Variants in FCGR2B observed in about 807,000 individuals in gnomAD.
The protein encoded by FCGR2B is Fc gamma receptor IIb.
Under a neutral mutation model 24.8 loss-of-function variants are expected in FCGR2B, and 18 were observed. That is an observed-to-expected ratio of 0.73 (90% CI 0.50 to 1.08). The LOEUF is 1.08. FCGR2B is among the 50% of genes least tolerant of loss of function. The probability of loss-of-function intolerance (pLI) is 0.00; values close to 1 mark genes in which losing one functional copy is unlikely to be tolerated. For missense variants in FCGR2B, 215 were observed against 297.6 expected, an observed-to-expected ratio of 0.72 and a Z score of 2.04; for synonymous variants, 79 against 109.8, an observed-to-expected ratio of 0.72 and a Z score of 1.75.
rs1190341660 is a variant in FCGR2B at position 161,677,777 on chromosome 1, G to C, written c.*224G>C. On this transcript the variant is annotated 3_prime_UTR_variant, in exon 8 of 8. Coordinates refer to ENST00000358671, the MANE Select transcript of FCGR2B (RefSeq NM_001394477.1). Reference sequence around the variant, plus strand: ...CACCTTCTGTGCTTCAGCTCTTCTTGACATCAAGGCTCTTCCGTTCCACAT... The same window carrying C: ...CACCTTCTGTGCTTCAGCTCTTCTTCACATCAAGGCTCTTCCGTTCCACAT... 2 of 528,344 alleles carry C rather than the reference G, an allele frequency of 3.8e-6. No individual in the cohort carries two copies. Among genetic ancestry groups the C allele is most frequent in the African/African-American group, 1.9e-5 (1 of 51,662 alleles). 32.7% of individuals were successfully genotyped at this position (528,344 alleles called of 1,614,324 possible).
intron 7 of FCGR2B, 23 bp from the exon 8 acceptor site, chr1:161,677,453 C>T (rs1397510141): frequency 6.2e-7 from 1 of 1,612,036 alleles, no homozygotes; most frequent in Non-Finnish European, 8.5e-7. Flanking sequence ...TGGATCCTTA[C>T]TGCTGGTTTC....
At position 161,671,588 on chromosome 1, in the gene FCGR2B, G is replaced by T. The variant is rs755754656; in HGVS notation, c.330G>T (p.Glu110Asp). ...RFKANNNDSG[E>D]YTCQTGQTSL... is the part of the protein sequence containing the mutation. ...AGGCCAACAACAATGACAGCGGGGA[G>T]TACACGTGCCAGACTGGCCAGACCA... Residue 110 changes from glutamate to aspartate, a missense_variant, in exon 3 of 8, where the codon GAG becomes GAT. By Grantham distance (45) the Glu-to-Asp change is conservative. This residue lies in a region of FCGR2B where 39 missense variants were observed against 73.3 expected (regional missense o/e 0.53). Coordinates refer to ENST00000358671, the MANE Select transcript of FCGR2B (RefSeq NM_001394477.1). 3.1e-6 allele frequency: 5 copies of T among 1,614,186 alleles called. No homozygotes were observed. In the East Asian group the frequency reaches 1.1e-4, roughly 36 times the overall value.
At chr1:161,661,169 AGAAG>A (rs1362952591), upstream of FCGR2B, among the ~76,000 whole-genome samples, 3 of 111,384 alleles carry the variant, frequency 2.7e-5, no homozygotes, top group Admixed American at 8.3e-5. Flanking sequence ...AAAGAAAGAA[AGAAG>A]GAAGGAAGGA....
At chr1:161,661,071 C>A (rs1474849852), upstream of FCGR2B, among the ~76,000 whole-genome samples, 3 of 24,444 alleles carry the variant, frequency 1.2e-4, no homozygotes, top group East Asian at 2.4e-3. Context: ...GAGACTCTGG[C>A]AAGAAAGAAA....
the FCGR2B span, among the ~76,000 whole-genome samples, chr1:161,648,028 G>C: frequency 6.6e-6 from 1 of 150,640 alleles, no homozygotes; most frequent in Non-Finnish European, 1.5e-5. Context: ...AGTATGAGTT[G>C]GGAAGATAGC....
Position 161,677,211 on chromosome 1 carries a change from G to C in FCGR2B, c.818-117G>C, listed in dbSNP as rs148573502. ...GCTTGGCCTAGAGGCCCAAGACAGG[G>C]TCAGCAGTGCTTGCTTTGGCTCTAG... is the stretch of plus-strand genomic sequence containing the variant. On this transcript the variant is annotated intron_variant, in intron 6 of 7. Transcript: ENST00000358671. 1.6e-3 allele frequency: 1,558 copies of C among 959,408 alleles called. 23 individuals are homozygous for C. In the African/African-American group the frequency reaches 0.021, roughly 13 times the overall value. The allele number at this position is 959,408 out of a possible 1,614,324, so 59.4% of individuals were successfully genotyped here.
chr1:161,671,205 T>A (rs920839041), intron 2 of FCGR2B, among the ~76,000 whole-genome samples, 187 bp from the exon 3 acceptor site: 4 of 152,162 alleles, frequency 2.6e-5, no homozygotes, highest in African/African-American at 7.2e-5. Context: ...AGTCCTGGGC[T>A]CCCTGGGGCC....
intron 3 of FCGR2B, chr1:161,671,858 G>C: frequency 2.1e-6 from 2 of 956,730 alleles, no homozygotes; most frequent in Middle Eastern, 3.3e-4. Flanking sequence ...CCAAGTGTGA[G>C]AGAAGCAGAA....
chr1:161,677,585 A>C lies in FCGR2B; in HGVS notation c.*32A>C, dbSNP rs1217664781. 1 of 1,519,204 alleles carries C rather than the reference A, an allele frequency of 6.6e-7. No individual in the cohort carries two copies. The highest frequency in any genetic ancestry group is 9.1e-7 in the Non-Finnish European group (1 of 1,097,534). 94.1% of individuals were successfully genotyped at this position (1,519,204 alleles called of 1,614,324 possible). A position where few individuals can be genotyped will look rare whatever the true frequency, so the allele number is the denominator to read the frequency against. ...TTGTCTTGCATTGGGATTTGAGAAGAAAATCAGAGAGGGAAGATCTGGTAT... is the reference window on the plus strand; with the variant it reads ...TTGTCTTGCATTGGGATTTGAGAAGCAAATCAGAGAGGGAAGATCTGGTAT... On this transcript the variant is annotated 3_prime_UTR_variant, in exon 8 of 8. Coordinates refer to ENST00000358671, the MANE Select transcript of FCGR2B (RefSeq NM_001394477.1).
At chr1:161,669,670 T>G (rs1164306602) in intron 1 of FCGR2B, among the ~76,000 whole-genome samples, 1 of 138,634 alleles carries the variant, frequency 7.2e-6, no homozygotes, top group African/African-American at 2.5e-5. Context: ...CATTGCTCAG[T>G]GAAGAATCAG....
rs1282720332 is a variant in FCGR2B at position 161,673,058 on chromosome 1, C to T, written c.475C>T (p.Pro159Ser). The T allele has an allele frequency of 6.2e-7, 1 of 1,612,724 alleles. No individual in the cohort carries two copies. The highest frequency in any genetic ancestry group is 8.5e-7 in the Non-Finnish European group (1 of 1,179,458). The change falls in exon 4 of 8, where the codon CCT becomes TCT. Residue 159 changes from proline (P) to serine (S), a missense_variant. By Grantham distance (74) the Pro-to-Ser change is moderately conservative. Transcript: ENST00000358671. ...VLRCHSWKDK[P>S]LVKVTFFQNG... ...GAGGTGCCACAGCTGGAAGGACAAG[C>T]CTCTGGTCAAGGTCACATTCTTCCA...
chr1:161,671,834 C>T lies in FCGR2B; in HGVS notation c.391+185C>T, dbSNP rs190516033. On this transcript the variant is annotated intron_variant, in intron 3 of 7. Transcript: ENST00000358671. ...GATTGAACAGAAGAAGGTTTCAAGGCCAAAAACAGGCAGCCAAGTGTGAGA... is the reference window on the plus strand; with the variant it reads ...GATTGAACAGAAGAAGGTTTCAAGGTCAAAAACAGGCAGCCAAGTGTGAGA... 42 of 1,202,700 alleles carry T rather than the reference C, an allele frequency of 3.5e-5. No individual in the cohort carries two copies. In the African/African-American group the frequency reaches 6.0e-4, roughly 17 times the overall value. The allele number at this position is 1,202,700 out of a possible 1,614,324, so 74.5% of individuals were successfully genotyped here.
rs904741063 is a variant in FCGR2B, at chr1:161,678,395, A to G, written c.*842A>G. The G allele has an allele frequency of 9.2e-6, 2 of 217,554 alleles. No individual in the cohort carries two copies. Among genetic ancestry groups the G allele is most frequent in the Non-Finnish European group, 1.8e-5 (2 of 108,190 alleles). 13.5% of individuals were successfully genotyped at this position (217,554 alleles called of 1,614,324 possible). On this transcript the variant is annotated 3_prime_UTR_variant, in exon 8 of 8. Transcript: ENST00000358671. Reference sequence around the variant, plus strand: ...TACAATTGCCTAAAGTATTCAGTACAGTAGCATGCTGTACAGGTTTGTAGC... The same window carrying G: ...TACAATTGCCTAAAGTATTCAGTACGGTAGCATGCTGTACAGGTTTGTAGC...
chr1:161,677,346 A>C lies in FCGR2B; in HGVS notation c.836A>C (p.Asp279Ala). ...PEKPANPTNP[D>A]EADKVGAENT... ...CCCACAGCCAATCCCACTAATCCTG[A>C]TGAGGCTGACAAAGTTGGGGTGAGT... is the stretch of plus-strand genomic sequence containing the variant. The change falls in exon 7 of 8, where the codon GAT becomes GCT. Residue 279 changes from aspartate (D) to alanine (A), a missense_variant. Asp to Ala is a moderately radical substitution (Grantham distance 126). Around this residue, in one of 5 missense-constraint regions of FCGR2B, gnomAD observed 81 missense variants for 81.6 expected, o/e 0.99. Coordinates refer to ENST00000358671, the MANE Select transcript of FCGR2B (RefSeq NM_001394477.1). 6.2e-7 allele frequency: 1 copy of C among 1,613,586 alleles called. No homozygotes were observed. The highest frequency in any genetic ancestry group is 8.5e-7 in the Non-Finnish European group (1 of 1,179,854).
At chr1:161,648,461 T>C in the FCGR2B span, among the ~76,000 whole-genome samples, 1 of 149,372 alleles carries the variant, frequency 6.7e-6, no homozygotes, top group East Asian at 1.9e-4. Context: ...TGCGTTTCCC[T>C]GATAAGTAGT....
At position 161,677,776 on chromosome 1, in the gene FCGR2B, T is replaced by C; in HGVS notation, c.*223T>C. 1 of 530,214 alleles carries C rather than the reference T, an allele frequency of 1.9e-6. No homozygotes were observed. The highest frequency in any genetic ancestry group is 3.3e-6 in the Non-Finnish European group (1 of 302,472). 32.8% of individuals were successfully genotyped at this position (530,214 alleles called of 1,614,324 possible). ...GCACCTTCTGTGCTTCAGCTCTTCT[T>C]GACATCAAGGCTCTTCCGTTCCACA... On this transcript the variant is annotated 3_prime_UTR_variant, in exon 8 of 8. Transcript: ENST00000358671.
upstream of FCGR2B, among the ~76,000 whole-genome samples, chr1:161,661,259 AAAGG>A (rs147865116): frequency 0.22 from 7,074 of 31,820 alleles, 1,082 homozygotes; most frequent in Non-Finnish European, 0.31. Context: ...AGAAAGAAAG[AAAGG>A]AAGGAAGCAA....
At chr1:161,674,225 A>G (rs1312731461) in intron 5 of FCGR2B, 152 bp downstream of exon 5, 1 of 236,542 alleles carries the variant, frequency 4.2e-6, no homozygotes, top group Non-Finnish European at 8.0e-6. Flanking sequence ...TTATTAGATC[A>G]TTCATTTGAC....
the FCGR2B span, among the ~76,000 whole-genome samples, chr1:161,647,611 G>A: frequency 6.6e-6 from 1 of 150,540 alleles, no homozygotes; most frequent in South Asian, 2.1e-4. Context: ...GGCCTGCTCT[G>A]GACTCTTAAT....
Sources: allele counts gnomAD v4.1 joint callset (sites outside exome capture counted in the v4.1 genomes callset), GRCh38; gene constraint gnomAD v4.1.1; regional missense constraint gnomAD v4.1.1; transcripts MANE v1.5; gene names NCBI Gene and HGNC (gene_info 2026-07-23, HGNC 2026-07-21).